TTC3: variants seen among roughly 807,000 people sequenced by gnomAD.
TTC3 encodes E3 ubiquitin-protein ligase TTC3.
A neutral mutation model predicts 249.6 loss-of-function variants in TTC3; 180 were observed. The observed-to-expected ratio is 0.72, with a 90% confidence interval of 0.64 to 0.82. TTC3 has a LOEUF of 0.82. TTC3 is among the 40% of genes least tolerant of loss of function. The probability of loss-of-function intolerance (pLI) is 0.00; values close to 1 mark genes in which losing one functional copy is unlikely to be tolerated. For missense variants in TTC3, 2,061 were observed against 2,398.4 expected (o/e 0.86, Z 2.94); for synonymous variants, 717 against 805.0 (o/e 0.89, Z 1.85).
chr21:37,195,446 T>C (rs774580448), intron 41 of TTC3, among the ~76,000 whole-genome samples: 4 of 152,220 alleles, frequency 2.6e-5, no homozygotes, highest in African/African-American at 4.8e-5. Flanking sequence ...TAGTGACTTA[T>C]AGAGATAATT....
intron 11 of TTC3, among the ~76,000 whole-genome samples, chr21:37,116,800 C>G (rs1411867386): frequency 6.6e-6 from 1 of 151,538 alleles, no homozygotes; most frequent in Non-Finnish European, 1.5e-5. Context: ...GAGTGAAACT[C>G]CATCTAAAAA....
intron 16 of TTC3, among the ~76,000 whole-genome samples, chr21:37,132,470 G>C (rs909069163): frequency 6.6e-6 from 1 of 151,432 alleles, no homozygotes. Context: ...GCACCACCAC[G>C]CCAGGATAAT....
chr21:37,146,171 A>C (rs2078966701), intron 21 of TTC3, among the ~76,000 whole-genome samples: 1 of 152,208 alleles, frequency 6.6e-6, no homozygotes, highest in African/African-American at 2.4e-5. Flanking sequence ...TGGGAGGTTG[A>C]GGCTGCAGTG....
At chr21:37,188,200 CA>C (rs956305744) in intron 38 of TTC3, 14 of 256,252 alleles carry the variant, frequency 5.5e-5, no homozygotes, top group African/African-American at 3.1e-4. Context: ...CTCGTGTACA[CA>C]TGCAGTTAAC....
intron 11 of TTC3, 129 bp downstream of exon 11, chr21:37,108,575 G>A (rs1029516515): frequency 8.1e-6 from 7 of 859,876 alleles, no homozygotes; most frequent in Non-Finnish European, 1.1e-5. Context: ...TGTGAAAGGG[G>A]AGTCATCAGA....
chr21:37,140,582 C>T lies in TTC3; in HGVS notation c.1681C>T (p.Gln561Ter), dbSNP rs769844736. The T allele has an allele frequency of 1.3e-6, 2 of 1,585,694 alleles. No individual in the cohort carries two copies. Among genetic ancestry groups the T allele is most frequent in the Admixed American group, 3.7e-5 (2 of 54,558 alleles). The change falls in exon 20 of 46, where the codon CAG becomes TAG. Residue 561 changes from glutamine (Q) to a stop codon, truncating the protein, a stop_gained. Transcript: ENST00000355666. LOFTEE classifies it high-confidence loss of function. ...CAAGGAATTATCTGAAGCCGAAAAC[C>T]AGTTTAAGAGGATTATTGAACACTA...
chr21:37,153,313 A>C (rs1413532267), intron 27 of TTC3, 36 bp downstream of exon 27: 10 of 1,548,856 alleles, frequency 6.5e-6, no homozygotes, highest in Non-Finnish European at 8.7e-6. Flanking sequence ...ATAAACTTTA[A>C]TACGAAGGGG....
intron 1 of TTC3, among the ~76,000 whole-genome samples, chr21:37,081,053 T>C (rs1428997181): frequency 1.3e-5 from 2 of 151,212 alleles, no homozygotes; most frequent in East Asian, 1.9e-4. Context: ...GTCAGTAGGG[T>C]AGGAATACTA....
At chr21:37,101,253 T>G (rs1407905316) in intron 10 of TTC3, 1 of 152,166 alleles carries the variant, frequency 6.6e-6, no homozygotes, top group African/African-American at 2.4e-5. Context: ...CAGATAGACT[T>G]TAACTAACTC....
At chr21:37,184,600 G>A (rs978400955) in intron 36 of TTC3, among the ~76,000 whole-genome samples, 1 of 148,444 alleles carries the variant, frequency 6.7e-6, no homozygotes, top group Non-Finnish European at 1.5e-5. Flanking sequence ...GATTACAGGT[G>A]CCCACCACCA....
At chr21:37,144,529 C>G (rs1472965880) in exon 21 of TTC3, 1 of 1,607,614 alleles carries the variant, frequency 6.2e-7, no homozygotes, top group Non-Finnish European at 8.5e-7. Flanking sequence ...CTTTAGATTT[C>G]TAGAAGCTCT....
At chr21:37,116,905 C>T (rs545099640) in intron 11 of TTC3, among the ~76,000 whole-genome samples, 5 of 151,926 alleles carry the variant, frequency 3.3e-5, no homozygotes, top group South Asian at 2.1e-4. Context: ...CCTGGTTTTA[C>T]GTAATTTAAA....
intron 19 of TTC3, among the ~76,000 whole-genome samples, chr21:37,139,567 G>T (rs1280902506): frequency 2.6e-5 from 4 of 152,064 alleles, no homozygotes; most frequent in African/African-American, 7.2e-5. Flanking sequence ...TTTACGTTCT[G>T]TTCTCTCCCA....
At chr21:37,084,006 T>G (rs1375464577) in intron 1 of TTC3, 1 of 152,210 alleles carries the variant, frequency 6.6e-6, no homozygotes, top group African/African-American at 2.4e-5. Flanking sequence ...CATTATCACT[T>G]AGGCCAAGTG....
chr21:37,114,023 A>T (rs915258220), intron 11 of TTC3, among the ~76,000 whole-genome samples: 1 of 152,238 alleles, frequency 6.6e-6, no homozygotes, highest in African/African-American at 2.4e-5. Flanking sequence ...CTTGCACCTT[A>T]TACAAAAATT....
At chr21:37,139,669 A>G (rs2078256205) in intron 19 of TTC3, among the ~76,000 whole-genome samples, 2 of 152,168 alleles carry the variant, frequency 1.3e-5, no homozygotes, top group South Asian at 4.1e-4. Flanking sequence ...CTATTTTCCA[A>G]GAGACAGTTG....
At chr21:37,111,907 G>A (rs377498170) in intron 11 of TTC3, among the ~76,000 whole-genome samples, 8 of 151,628 alleles carry the variant, frequency 5.3e-5, no homozygotes, top group African/African-American at 7.3e-5. Flanking sequence ...ACTCAAAACC[G>A]CTCAACTACA....
chr21:37,175,543 G>A (rs1243501430), intron 35 of TTC3, among the ~76,000 whole-genome samples: 1 of 139,392 alleles, frequency 7.2e-6, no homozygotes. Context: ...GTTGCAGTGA[G>A]CCAAGATCGC....
At chr21:37,152,102 G>A in intron 26 of TTC3, 73 bp downstream of exon 26, 1 of 1,378,974 alleles carries the variant, frequency 7.3e-7, no homozygotes, top group Non-Finnish European at 9.6e-7. Flanking sequence ...CATCTTTTGG[G>A]CCTTATATTC....
Sources: allele counts gnomAD v4.1 joint callset (sites outside exome capture counted in the v4.1 genomes callset), GRCh38; gene constraint gnomAD v4.1.1; transcripts MANE v1.5; gene names NCBI Gene and HGNC (gene_info 2026-07-23, HGNC 2026-07-21).